Variants in PTK2 observed in about 807,000 individuals in gnomAD.
The protein encoded by PTK2 is focal adhesion kinase 1.
In PTK2, 45 loss-of-function variants were observed where a neutral mutation model predicts 150.1. That is an observed-to-expected ratio of 0.30 (90% CI 0.24 to 0.38). The LOEUF is 0.38. PTK2 is among the 10% of genes least tolerant of loss of function. The pLI, the probability that PTK2 is intolerant of heterozygous loss-of-function variation, is 1.00. For missense variants in PTK2, 919 were observed against 1,307.3 expected (o/e 0.70, Z 4.58); for synonymous variants, 432 against 449.2 (o/e 0.96, Z 0.48).
At chr8:140,757,324 CTACTT>C (rs1171866936) in intron 16 of PTK2, among the ~76,000 whole-genome samples, 4 of 152,112 alleles carry the variant, frequency 2.6e-5, no homozygotes, top group Non-Finnish European at 5.9e-5. Flanking sequence ...TCCTTCTACT[CTACTT>C]TGCCTCAAAG....
chr8:140,692,357 C>T lies in PTK2; in HGVS notation c.2500-5663G>A, dbSNP rs112058751. Among the ~76,000 whole-genome samples, 523 of 152,304 alleles carry T rather than the reference C, an allele frequency of 3.4e-3. 5 individuals are homozygous for T. Among genetic ancestry groups the T allele is most frequent in the African/African-American group, 0.012 (493 of 41,582 alleles). On this transcript the variant is annotated intron_variant, in intron 26 of 31. Transcript: ENST00000522684. ...CTCAGCCAGGTGCAGTGGCTAACAC[C>T]TGTAATCCCAGCACTATGGGAGGCC...
intron 26 of PTK2, among the ~76,000 whole-genome samples, chr8:140,695,481 G>C (rs1478340266): frequency 6.6e-6 from 1 of 151,236 alleles, no homozygotes; most frequent in East Asian, 1.9e-4. Context: ...AACAATCTCA[G>C]CTCACTGCAA....
chr8:140,829,317 A>C (rs571860007), intron 8 of PTK2, among the ~76,000 whole-genome samples: 1 of 152,304 alleles, frequency 6.6e-6, no homozygotes, highest in South Asian at 2.1e-4. Flanking sequence ...GGAAACAGTG[A>C]CTAATCCTTA....
intron 1 of PTK2, among the ~76,000 whole-genome samples, chr8:140,993,542 G>T (rs894920927): frequency 3.3e-5 from 5 of 152,172 alleles, no homozygotes; most frequent in African/African-American, 7.2e-5. Flanking sequence ...TACAAAATAT[G>T]TAACACATAA....
At chr8:140,951,475 G>A (rs545465917) in intron 1 of PTK2, among the ~76,000 whole-genome samples, 4 of 152,270 alleles carry the variant, frequency 2.6e-5, no homozygotes, top group African/African-American at 7.2e-5. Flanking sequence ...CAGAATTTGC[G>A]GTGGGGGGGA....
rs561660886 is a variant in PTK2, at chr8:140,702,427, C to T, written c.2367+143G>A. 4.8e-6 allele frequency: 5 copies of T among 1,043,876 alleles called. No homozygotes were observed. The East Asian group carries it at 1.2e-4, about 26-fold the overall frequency. 64.7% of individuals were successfully genotyped at this position (1,043,876 alleles called of 1,614,324 possible). ...AGAGACAGGGTCTCGCTATGTTGCC[C>T]AGTCTGGTTTCAAACTCTGGGGCTC... On this transcript the variant is annotated intron_variant, in intron 25 of 31. Coordinates refer to ENST00000522684, the Ensembl canonical transcript of PTK2.
At chr8:140,662,701 A>T (rs1167837907) in intron 31 of PTK2, 2 of 594,980 alleles carry the variant, frequency 3.4e-6, no homozygotes, top group Admixed American at 4.2e-5. Flanking sequence ...GTCAATGTCC[A>T]GTTGGTCAAC....
At chr8:140,788,809 A>G (rs979110210) in intron 14 of PTK2, among the ~76,000 whole-genome samples, 1 of 152,228 alleles carries the variant, frequency 6.6e-6, no homozygotes, top group Non-Finnish European at 1.5e-5. Context: ...CAAATTACAT[A>G]TGTGTGTATA....
At chr8:140,661,412 T>C (rs28475202) in intron 31 of PTK2, among the ~76,000 whole-genome samples, 3,497 of 152,158 alleles carry the variant, frequency 0.023, 133 homozygotes, top group African/African-American at 0.08. Context: ...TGTTTGCATG[T>C]GTGTAGGGGA....
rs574710287 is a variant in PTK2, at chr8:140,924,579, A to G, written c.-33+1082T>C. 2.6e-5 allele frequency among the ~76,000 whole-genome samples: 4 copies of G among 152,280 alleles called. No individual in the cohort carries two copies. The South Asian group carries it at 6.2e-4, about 24-fold the overall frequency. ...TCAAGGCTATGGTCACAGAGAAGGTATATGTATATGCTGGACGTCAGTGAC... is the reference window on the plus strand; with the variant it reads ...TCAAGGCTATGGTCACAGAGAAGGTGTATGTATATGCTGGACGTCAGTGAC... On this transcript the variant is annotated intron_variant, in intron 2 of 31. Transcript: ENST00000522684.
chr8:140,910,387 T>C (rs910093189), intron 2 of PTK2, among the ~76,000 whole-genome samples: 2 of 152,116 alleles, frequency 1.3e-5, no homozygotes, highest in African/African-American at 4.8e-5. Flanking sequence ...CAATATAAAT[T>C]TGTATCTTCA....
intron 22 of PTK2, among the ~76,000 whole-genome samples, chr8:140,734,457 A>G (rs1035018715): frequency 2.0e-5 from 3 of 152,236 alleles, no homozygotes; most frequent in African/African-American, 7.2e-5. Flanking sequence ...TACAGAAATC[A>G]GTAAGACACA....
At chr8:140,667,467 T>TCTC (rs1491487322) in intron 30 of PTK2, among the ~76,000 whole-genome samples, 6 of 50,972 alleles carry the variant, frequency 1.2e-4, no homozygotes, top group African/African-American at 4.5e-4. Flanking sequence ...TCTCTCTCTC[T>TCTC]TTTTTTTTTT....
Position 140,818,431 on chromosome 8 carries a change from T to A in PTK2, c.790-77A>T, listed in dbSNP as rs909883838. The A allele has an allele frequency of 1.3e-5, 17 of 1,309,946 alleles. No homozygotes were observed. In the African/African-American group the frequency reaches 2.3e-4, roughly 18 times the overall value. The allele number at this position is 1,309,946 out of a possible 1,614,324, so 81.1% of individuals were successfully genotyped here. On this transcript the variant is annotated intron_variant, in intron 9 of 31. Coordinates refer to ENST00000522684, the Ensembl canonical transcript of PTK2. ...TACTTTAGATAAAGAGCCGTGGATA[T>A]GTTAAAGGACCAAAGCAGGGGCTGG...
intron 26 of PTK2, among the ~76,000 whole-genome samples, chr8:140,691,203 G>A (rs749187293): frequency 8.2e-4 from 121 of 147,322 alleles, no homozygotes; most frequent in Non-Finnish European, 1.2e-3. Context: ...TTGGGGGTGG[G>A]GGGTCTCACT....
chr8:140,685,077 A>G (rs1168175621), intron 27 of PTK2, among the ~76,000 whole-genome samples: 2 of 152,318 alleles, frequency 1.3e-5, no homozygotes, highest in South Asian at 4.1e-4. Context: ...TACAGAGCCT[A>G]GAAATAAAAC....
At chr8:140,670,633 AAC>A (rs1563992910) in intron 29 of PTK2, among the ~76,000 whole-genome samples, 1 of 151,806 alleles carries the variant, frequency 6.6e-6, no homozygotes, top group Non-Finnish European at 1.5e-5. Flanking sequence ...CTTGAAACTG[AAC>A]AGTTTTATTT....
At chr8:140,734,203 T>C (rs936639502) in intron 22 of PTK2, among the ~76,000 whole-genome samples, 2 of 152,106 alleles carry the variant, frequency 1.3e-5, no homozygotes, top group African/African-American at 4.8e-5. Context: ...AAATACAGCA[T>C]GAAAAACAAA....
chr8:140,922,933 G>A (rs1222823274), intron 2 of PTK2, among the ~76,000 whole-genome samples: 3 of 152,122 alleles, frequency 2.0e-5, no homozygotes, highest in Admixed American at 6.5e-5. Context: ...AGAGAGTGGT[G>A]TAAGCACAGG....
Sources: allele counts gnomAD v4.1 joint callset (sites outside exome capture counted in the v4.1 genomes callset), GRCh38; gene constraint gnomAD v4.1.1; transcripts MANE v1.5; gene names NCBI Gene and HGNC (gene_info 2026-07-23, HGNC 2026-07-21).